The following ENTPD5 variants were observed in gnomAD, a reference collection of about 807,000 sequenced individuals.
ENTPD5 encodes ectonucleoside triphosphate diphosphohydrolase 5 (inactive), also known as nucleoside diphosphate phosphatase ENTPD5.
In ENTPD5, 49 loss-of-function variants were observed where a neutral mutation model predicts 60.2. The observed-to-expected ratio is 0.81, with a 90% CI of 0.65 to 1.03. The LOEUF is 1.03. Ranked by LOEUF, ENTPD5 falls within the 50% of genes least tolerant of loss-of-function variation. The pLI is 0.00. For synonymous variants in ENTPD5, 187 were observed against 185.4 expected, an observed-to-expected ratio of 1.01 and a Z score of -0.07; for missense variants, 480 against 507.6, an observed-to-expected ratio of 0.95 and a Z score of 0.52.
chr14:74,000,479 T>C (rs191513660), intron 3 of ENTPD5, among the ~76,000 whole-genome samples: 2 of 148,458 alleles, frequency 1.3e-5, no homozygotes, highest in East Asian at 4.1e-4. Context: ...AATATATATA[T>C]AAGCATATAT....
intron 9 of ENTPD5, 34 bp from the exon 10 acceptor site, chr14:73,976,049 G>C: frequency 6.5e-7 from 1 of 1,546,766 alleles, no homozygotes; most frequent in East Asian, 2.2e-5. Flanking sequence ...GACTATTCAG[G>C]ATCTGTAATT....
chr14:73,987,836 T>C (rs1255851902), intron 4 of ENTPD5, 50 bp downstream of exon 4: 3 of 1,549,134 alleles, frequency 1.9e-6, no homozygotes, highest in Non-Finnish European at 1.8e-6. Context: ...TGGGAGGAGA[T>C]GCTAAAGTGT....
chr14:74,012,024 AGGATTTGAATTAT>A (rs1255113633), intron 2 of ENTPD5, among the ~76,000 whole-genome samples: 1 of 152,198 alleles, frequency 6.6e-6, no homozygotes, highest in Non-Finnish European at 1.5e-5. Context: ...CATTCAAGAC[AGGATTTGAATTAT>A]GGATTTGACT....
In ENTPD5 at chr14:74,019,278, C is replaced by T. The variant is rs563714138; in HGVS notation, c.-266G>A. 2.2e-5 allele frequency: 10 copies of T among 451,386 alleles called. No homozygotes were observed. Among genetic ancestry groups the T allele is most frequent in the African/African-American group, 1.7e-4 (8 of 46,760 alleles). The allele number at this position is 451,386 out of a possible 1,614,324, so 28.0% of individuals were successfully genotyped here. On this transcript the variant is annotated 5_prime_UTR_variant, in exon 1 of 16. Coordinates refer to ENST00000334696, the MANE Select transcript of ENTPD5 (RefSeq NM_001249.5). ...GCGCGCGCCACCCTTGCGCGGCAGC[C>T]CGCCGCCCTCGGCGCGACCTCCGCC...
At chr14:74,010,089 C>A (rs552398738) in intron 3 of ENTPD5, among the ~76,000 whole-genome samples, 1 of 152,162 alleles carries the variant, frequency 6.6e-6, no homozygotes, top group Non-Finnish European at 1.5e-5. Context: ...CGCACCCAGC[C>A]GTGTTTTCAA....
chr14:73,955,375 G>GT, downstream of ENTPD5: 5 of 1,076,694 alleles, frequency 4.6e-6, no homozygotes. Flanking sequence ...AACCTCTTAC[G>GT]TAACAGGATG....
At position 73,966,889 on chromosome 14, in the gene ENTPD5, G is replaced by T; in HGVS notation, c.*39C>A. On this transcript the variant is annotated 3_prime_UTR_variant, in exon 16 of 16. Coordinates refer to ENST00000334696, the MANE Select transcript of ENTPD5 (RefSeq NM_001249.5). Reference sequence around the variant, plus strand: ...AAGTGCTCTCTCCTCCCCTTAAAAAGGTGTTGGCAAATGCAGGTCTCCAAG... The same window carrying T: ...AAGTGCTCTCTCCTCCCCTTAAAAATGTGTTGGCAAATGCAGGTCTCCAAG... 1 of 1,483,054 alleles carries T rather than the reference G, an allele frequency of 6.7e-7. No individual in the cohort carries two copies. Among genetic ancestry groups the T allele is most frequent in the Non-Finnish European group, 9.4e-7 (1 of 1,061,482 alleles). 91.9% of individuals were successfully genotyped at this position (1,483,054 alleles called of 1,614,324 possible).
At chr14:74,016,057 C>T (rs2059008027) in intron 1 of ENTPD5, 127 bp from the exon 2 acceptor site, 2 of 152,170 alleles carry the variant, frequency 1.3e-5, no homozygotes, top group Admixed American at 1.3e-4. Flanking sequence ...CCTGGAACTT[C>T]ATAGTAAAGG....
rs1280328774 is a variant in ENTPD5, at chr14:73,965,349, C to G, written c.*1579G>C. ...TGCAAAGAAGCTGGAGGTTAACAAC[C>G]AAGGCAAAGGGGCCAGACCACAGGG... On this transcript the variant is annotated 3_prime_UTR_variant, in exon 16 of 16. Coordinates refer to ENST00000334696, the MANE Select transcript of ENTPD5 (RefSeq NM_001249.5). 6.6e-6 allele frequency: 1 copy of G among 152,110 alleles called. No homozygotes were observed. The highest frequency in any genetic ancestry group is 2.1e-4 in the South Asian group (1 of 4,824). The allele number at this position is 152,110 out of a possible 1,614,324, so 9.4% of individuals were successfully genotyped here.
At chr14:73,984,114 G>C (rs1225251834) in intron 5 of ENTPD5, among the ~76,000 whole-genome samples, 1 of 151,890 alleles carries the variant, frequency 6.6e-6, no homozygotes, top group Non-Finnish European at 1.5e-5. Context: ...TGCAACCTCT[G>C]CCTCCCGGGT....
At chr14:73,961,308 C>T (rs559873718), downstream of ENTPD5, 57 of 1,614,078 alleles carry the variant, frequency 3.5e-5, no homozygotes, top group South Asian at 5.5e-4. Context: ...TGCCAAAAGC[C>T]GAGTTCTGTT....
downstream of ENTPD5, chr14:73,956,044 G>A (rs2056414305): frequency 2.0e-6 from 3 of 1,493,504 alleles, no homozygotes. Context: ...TCCTCTGATG[G>A]CCGGGTGCGG....
chr14:73,957,209 T>A (rs974072299), downstream of ENTPD5, among the ~76,000 whole-genome samples: 1 of 151,980 alleles, frequency 6.6e-6, no homozygotes, highest in Non-Finnish European at 1.5e-5. Flanking sequence ...ACCATTCTCC[T>A]GCCTCAGCCT....
At chr14:73,994,255 A>G (rs986306284) in intron 3 of ENTPD5, among the ~76,000 whole-genome samples, 2 of 151,826 alleles carry the variant, frequency 1.3e-5, no homozygotes, top group Non-Finnish European at 2.9e-5. Flanking sequence ...CCTCCCTAGA[A>G]GCTAGGATTA....
At chr14:73,959,030 C>T (rs1188973374), downstream of ENTPD5, 1 of 1,614,174 alleles carries the variant, frequency 6.2e-7, no homozygotes, top group African/African-American at 1.3e-5. Flanking sequence ...AGAATGTGAG[C>T]TGGAACTATG....
intron 3 of ENTPD5, among the ~76,000 whole-genome samples, chr14:74,000,162 A>G (rs1163325814): frequency 6.6e-6 from 1 of 151,682 alleles, no homozygotes; most frequent in African/African-American, 2.4e-5. Flanking sequence ...ACGCATCAAG[A>G]AAAGACATTT....
downstream of ENTPD5, chr14:73,959,772 G>C (rs2056625058): frequency 2.5e-6 from 3 of 1,182,162 alleles, no homozygotes; most frequent in Admixed American, 9.0e-5. Flanking sequence ...GTTTCACCAT[G>C]TTGGCCAGGC....
downstream of ENTPD5, chr14:73,963,030 A>G: frequency 7.1e-6 from 11 of 1,555,004 alleles, no homozygotes; most frequent in Non-Finnish European, 8.0e-6. Flanking sequence ...GATTACGTTG[A>G]TGAAAAAGAA....
At chr14:73,974,042 AG>A in intron 11 of ENTPD5, 64 bp from the exon 12 acceptor site, 1 of 1,382,084 alleles carries the variant, frequency 7.2e-7, no homozygotes, top group South Asian at 1.2e-5. Flanking sequence ...AAGGCAAGCA[AG>A]AAGCCAGTGA....
Sources: gnomAD v4.1 joint callset for allele counts (sites outside exome capture counted in the v4.1 genomes callset) on GRCh38, gnomAD v4.1.1 for gene constraint, MANE v1.5 for transcripts, NCBI Gene and HGNC (gene_info 2026-07-23, HGNC 2026-07-21) for gene names.